GADL1: variants seen among roughly 807,000 people sequenced by gnomAD.
The protein encoded by GADL1 is GAD like acidic amino acid decarboxylase 1.
A neutral mutation model predicts 69.5 loss-of-function variants in GADL1; 71 were observed. The ratio of observed to expected loss-of-function variants is 1.02; its 90% confidence interval spans 0.84 to 1.25. The LOEUF is 1.25. Ranked by LOEUF, GADL1 falls within the 50% of genes most tolerant of loss-of-function variation. The pLI, the probability that GADL1 is intolerant of heterozygous loss-of-function variation, is 0.00. For missense variants in GADL1, 737 were observed against 631.8 expected (o/e 1.17, Z -1.79); for synonymous variants, 254 against 214.4 (o/e 1.18, Z -1.62).
At chr3:30,860,163 G>A (rs914507889) in intron 2 of GADL1, among the ~76,000 whole-genome samples, 1 of 151,632 alleles carries the variant, frequency 6.6e-6, no homozygotes, top group African/African-American at 2.4e-5. Flanking sequence ...CCACATCTGA[G>A]CTCAAAGTAC....
At chr3:30,751,389 G>C (rs1011384986) in intron 14 of GADL1, among the ~76,000 whole-genome samples, 2 of 152,056 alleles carry the variant, frequency 1.3e-5, no homozygotes, top group South Asian at 2.1e-4. Context: ...CGCTCAGTCT[G>C]TGCTTTTTCT....
Position 30,726,550 on chromosome 3 carries a change from A to T in GADL1, c.*1692T>A, listed in dbSNP as rs1027181510. On this transcript the variant is annotated 3_prime_UTR_variant, in exon 15 of 15. Coordinates refer to ENST00000282538, the MANE Select transcript of GADL1 (RefSeq NM_207359.3). ...AGAATTTGAAGTAATTCAGAGACAG[A>T]TTTAATATTCTTTGACCAATAGAGA... 1 of 152,100 alleles carries T rather than the reference A, an allele frequency of 6.6e-6. No individual in the cohort carries two copies. The highest frequency in any genetic ancestry group is 2.4e-5 in the African/African-American group (1 of 41,444). The allele number at this position is 152,100 out of a possible 1,614,324, so 9.4% of individuals were successfully genotyped here. A position where few individuals can be genotyped will look rare whatever the true frequency, so the allele number is the denominator to read the frequency against.
intron 14 of GADL1, among the ~76,000 whole-genome samples, chr3:30,751,437 G>A (rs1695813905): frequency 6.7e-6 from 1 of 148,932 alleles, no homozygotes; most frequent in South Asian, 2.3e-4. Context: ...GTCTTTCATT[G>A]CTTCTTTTAT....
intron 1 of GADL1, among the ~76,000 whole-genome samples, chr3:30,893,969 T>C (rs546514236): frequency 3.3e-5 from 5 of 152,210 alleles, no homozygotes; most frequent in South Asian, 2.1e-4. Context: ...ACAATAATGA[T>C]AACCTTTCAA....
intron 12 of GADL1, among the ~76,000 whole-genome samples, chr3:30,796,978 T>C (rs1223490406): frequency 6.6e-6 from 1 of 152,208 alleles, no homozygotes; most frequent in Non-Finnish European, 1.5e-5. Flanking sequence ...TTTGCAATTC[T>C]TCCTGCTAAA....
intron 9 of GADL1, among the ~76,000 whole-genome samples, chr3:30,837,978 T>C (rs1247920193): frequency 6.6e-6 from 1 of 152,142 alleles, no homozygotes; most frequent in African/African-American, 2.4e-5. Flanking sequence ...TCAGTTAATG[T>C]AAACTTTGAA....
intron 11 of GADL1, among the ~76,000 whole-genome samples, chr3:30,831,806 G>T (rs1697797018): frequency 6.6e-6 from 1 of 151,872 alleles, no homozygotes; most frequent in Non-Finnish European, 1.5e-5. Context: ...GTGAATATTG[G>T]GAGATAGGCA....
At chr3:30,872,337 C>A (rs1328408602) in intron 1 of GADL1, among the ~76,000 whole-genome samples, 3 of 151,904 alleles carry the variant, frequency 2.0e-5, no homozygotes, top group Non-Finnish European at 4.4e-5. Context: ...CTTCTTCTCT[C>A]CATTAACCAC....
intron 11 of GADL1, among the ~76,000 whole-genome samples, chr3:30,818,022 G>T (rs1333785010): frequency 6.6e-6 from 1 of 152,108 alleles, no homozygotes; most frequent in Non-Finnish European, 1.5e-5. Flanking sequence ...CTAGTAAATT[G>T]CCACAGCAAG....
At chr3:30,729,757 A>G (rs17026436) in intron 14 of GADL1, among the ~76,000 whole-genome samples, 13,201 of 152,244 alleles carry the variant, frequency 0.087, 1,510 homozygotes, top group African/African-American at 0.26. Flanking sequence ...GCCTTCTCAA[A>G]GGATGTTCAA....
At chr3:30,873,390 G>T (rs1030218711) in intron 1 of GADL1, among the ~76,000 whole-genome samples, 1 of 151,834 alleles carries the variant, frequency 6.6e-6, no homozygotes, top group Non-Finnish European at 1.5e-5. Flanking sequence ...AAAGAGAATT[G>T]CCCAAGTCAT....
chr3:30,805,734 C>CTTTTTTTTTTTTTTTTTTTTTTTTTTTT lies in GADL1; in HGVS notation c.1051-4647_1051-4646insAAAAAAAAAAAAAAAAAAAAAAAAAAAA, dbSNP rs34788058. Among the ~76,000 whole-genome samples the CTTTTTTTTTTTTTTTTTTTTTTTTTTTT allele has an allele frequency of 5.0e-4, 33 of 66,092 alleles. 4 individuals carry two copies. Among genetic ancestry groups the CTTTTTTTTTTTTTTTTTTTTTTTTTTTT allele is most frequent in the African/African-American group, 2.5e-3 (30 of 11,836 alleles). The allele number at this position is 66,092 out of a possible 152,430, so 43.4% of individuals were successfully genotyped here. A position where few individuals can be genotyped will look rare whatever the true frequency, so the allele number is the denominator to read the frequency against. ...ATTCTGTGCACCAGCAGTCCCCAGC[C>CTTTTTTTTTTTTTTTTTTTTTTTTTTTT]TTTTTTTTTTTTTTTTTTTTTTTTG... On this transcript the variant is annotated intron_variant, in intron 11 of 14. Transcript: ENST00000282538.
At chr3:30,787,245 T>C (rs1049256117) in intron 12 of GADL1, among the ~76,000 whole-genome samples, 1 of 152,192 alleles carries the variant, frequency 6.6e-6, no homozygotes, top group Non-Finnish European at 1.5e-5. Context: ...CTGTAGCCAT[T>C]GATATAATAT....
chr3:30,893,501 A>G (rs1201074673), intron 1 of GADL1, among the ~76,000 whole-genome samples: 1 of 152,084 alleles, frequency 6.6e-6, no homozygotes, highest in Non-Finnish European at 1.5e-5. Flanking sequence ...CTGCAGCTTT[A>G]TACCCATTGA....
chr3:30,818,856 C>CT (rs956657970), intron 11 of GADL1, among the ~76,000 whole-genome samples: 3 of 152,150 alleles, frequency 2.0e-5, no homozygotes, highest in African/African-American at 7.2e-5. Context: ...CACCTTGCTG[C>CT]TTATACCTGA....
In GADL1 at chr3:30,833,865, C is replaced by T; in HGVS notation, c.1038G>A (p.Val346=). The T allele has an allele frequency of 1.2e-6, 2 of 1,612,088 alleles. No homozygotes were observed. Among genetic ancestry groups the T allele is most frequent in the Non-Finnish European group, 8.5e-7 (1 of 1,178,638 alleles). The change falls in exon 11 of 15, where the codon GTG becomes GTA. Residue 346 remains valine, a synonymous_variant. Coordinates refer to ENST00000282538, the MANE Select transcript of GADL1 (RefSeq NM_207359.3). ...MAGIQCCALL[V]KDKSDLLKKC... ...GAGGAAAACTTACAGATTTGTCTTTCACAAGGAGAGCACAGCACTGGATCC... is the reference window on the plus strand; with the variant it reads ...GAGGAAAACTTACAGATTTGTCTTTTACAAGGAGAGCACAGCACTGGATCC...
At chr3:30,815,577 T>A (rs192035640) in intron 11 of GADL1, among the ~76,000 whole-genome samples, 1,942 of 152,234 alleles carry the variant, frequency 0.013, 159 homozygotes, top group Admixed American at 0.12. Context: ...GAAAGTGTAA[T>A]GAGAAAAACC....
At chr3:30,773,232 A>G (rs193009220) in intron 14 of GADL1, among the ~76,000 whole-genome samples, 130 of 152,324 alleles carry the variant, frequency 8.5e-4, no homozygotes, top group Non-Finnish European at 1.5e-3. Flanking sequence ...AAGGTAATAC[A>G]TGTAGATAAT....
At chr3:30,737,346 C>T (rs186568457) in intron 14 of GADL1, among the ~76,000 whole-genome samples, 4 of 152,042 alleles carry the variant, frequency 2.6e-5, no homozygotes, top group Admixed American at 1.3e-4. Context: ...TTGCTTATGT[C>T]GATTTTGTAA....
Sources: gnomAD v4.1 joint callset for allele counts (sites outside exome capture counted in the v4.1 genomes callset) on GRCh38, gnomAD v4.1.1 for gene constraint, MANE v1.5 for transcripts, NCBI Gene and HGNC (gene_info 2026-07-23, HGNC 2026-07-21) for gene names.